RBP2: variants seen among roughly 807,000 people sequenced by gnomAD.
RBP2 encodes the protein retinol binding protein 2.
RBP2 carries 17 observed loss-of-function variants against 17.0 expected under a neutral mutation model. The ratio of observed to expected loss-of-function variants is 1.00; its 90% confidence interval spans 0.68 to 1.50. The LOEUF (loss-of-function observed/expected upper bound fraction) is 1.50. Among genes scored for constraint, RBP2 ranks in the 40% most tolerant of loss-of-function variants. The pLI is 0.00. For missense variants in RBP2, 158 were observed against 168.2 expected (o/e 0.94, Z 0.33); for synonymous variants, 48 against 57.1 (o/e 0.84, Z 0.72).
At chr3:139,459,925 C>T (rs888330096) in intron 2 of RBP2, among the ~76,000 whole-genome samples, 2 of 151,988 alleles carry the variant, frequency 1.3e-5, no homozygotes, top group African/African-American at 4.8e-5. Context: ...CTCTCTCTTT[C>T]TGCAGGGCTA....
In RBP2 at chr3:139,453,078, G is replaced by C. The variant is rs1227374524; in HGVS notation, c.*38C>G. On this transcript the variant is annotated 3_prime_UTR_variant, in exon 4 of 4. Transcript: ENST00000232217. ...GCCAGTAGACCACTCAGTGTGGGCA[G>C]TGGGGAGCTTGTGCTTGGCAGGCCT... The C allele has an allele frequency of 6.2e-7, 1 of 1,612,890 alleles. No individual in the cohort carries two copies. Among genetic ancestry groups the C allele is most frequent in the Non-Finnish European group, 8.5e-7 (1 of 1,178,966 alleles).
At position 139,455,639 on chromosome 3, in the gene RBP2, C is replaced by T. The variant is rs1943381514; in HGVS notation, c.253-809G>A. On this transcript the variant is annotated intron_variant, in intron 2 of 3. Coordinates refer to ENST00000232217, the MANE Select transcript of RBP2 (RefSeq NM_004164.3). ...CTGGGAATTTCTCCTTCAGGAATCA[C>T]ACTGTGAGACCTGCCCACTATAGGA... Among the ~76,000 whole-genome samples the T allele has an allele frequency of 2.0e-5, 3 of 152,266 alleles. No homozygotes were observed. The South Asian group carries it at 6.2e-4, about 32-fold the overall frequency.
chr3:139,460,483 G>T (rs555843157), intron 2 of RBP2, among the ~76,000 whole-genome samples: 259 of 152,314 alleles, frequency 1.7e-3, no homozygotes, highest in Non-Finnish European at 3.2e-3. Flanking sequence ...ACTTGACTGA[G>T]AAATAAAGTG....
At chr3:139,465,494 T>C (rs1294851228) in intron 1 of RBP2, among the ~76,000 whole-genome samples, 1 of 152,190 alleles carries the variant, frequency 6.6e-6, no homozygotes, top group African/African-American at 2.4e-5. Flanking sequence ...CCCTGGATTA[T>C]GTGGTGAGGA....
At chr3:139,456,842 C>T (rs79829464) in intron 2 of RBP2, among the ~76,000 whole-genome samples, 12,640 of 152,206 alleles carry the variant, frequency 0.083, 576 homozygotes, top group Middle Eastern at 0.16. Flanking sequence ...TTAGGACCAT[C>T]CTAAACCTCA....
chr3:139,459,068 T>C (rs1327547020), intron 2 of RBP2, among the ~76,000 whole-genome samples: 2 of 152,100 alleles, frequency 1.3e-5, no homozygotes, highest in East Asian at 3.9e-4. Flanking sequence ...GGGCACAACA[T>C]GCACCTCTCC....
chr3:139,459,567 G>C (rs371508188), intron 2 of RBP2, among the ~76,000 whole-genome samples: 1 of 151,042 alleles, frequency 6.6e-6, no homozygotes, highest in African/African-American at 2.4e-5. Context: ...AGGTTGCAAT[G>C]AGCCTAAATT....
intron 1 of RBP2, chr3:139,466,688 T>C (rs1354191855): frequency 2.0e-5 from 3 of 152,246 alleles, no homozygotes; most frequent in Non-Finnish European, 4.4e-5. Context: ...AGGATCAAAT[T>C]TGATGGTGTT....
chr3:139,456,176 C>T (rs1932953246), intron 2 of RBP2, among the ~76,000 whole-genome samples: 1 of 152,120 alleles, frequency 6.6e-6, no homozygotes, highest in African/African-American at 2.4e-5. Flanking sequence ...CATTATGCCT[C>T]TCTGAACAAT....
intron 1 of RBP2, among the ~76,000 whole-genome samples, chr3:139,468,207 C>T (rs1454559021): frequency 2.6e-5 from 4 of 152,118 alleles, no homozygotes; most frequent in Non-Finnish European, 4.4e-5. Context: ...AAACTGAGGC[C>T]GTGAGAATTT....
intron 1 of RBP2, among the ~76,000 whole-genome samples, chr3:139,463,661 C>T (rs894495448): frequency 2.0e-5 from 3 of 152,154 alleles, no homozygotes; most frequent in South Asian, 4.1e-4. Flanking sequence ...AGTTGTTGGC[C>T]TGTGGAGTAG....
Position 139,453,038 on chromosome 3 carries a change from C to G in RBP2, c.*78G>C. ...TCTGTCAAGAGTGGGAAGGTCCCCA[C>G]AGCTGTTTCTCAAAGCCAGTAGACC... On this transcript the variant is annotated 3_prime_UTR_variant, in exon 4 of 4. Transcript: ENST00000232217. 1 of 1,554,952 alleles carries G rather than the reference C, an allele frequency of 6.4e-7. No homozygotes were observed. The highest frequency in any genetic ancestry group is 8.9e-7 in the Non-Finnish European group (1 of 1,126,384).
intron 1 of RBP2, among the ~76,000 whole-genome samples, chr3:139,463,071 G>A (rs1576423661): frequency 2.0e-5 from 3 of 152,136 alleles, no homozygotes; most frequent in East Asian, 3.9e-4. Flanking sequence ...GAGCTCAAGC[G>A]ATCCATGTGC....
At chr3:139,468,096 G>C (rs778823336) in intron 1 of RBP2, among the ~76,000 whole-genome samples, 3 of 152,160 alleles carry the variant, frequency 2.0e-5, no homozygotes, top group African/African-American at 4.8e-5. Flanking sequence ...ACAGGGGAAG[G>C]CTCTAGGTAA....
At chr3:139,474,457 G>A (rs963697202) in intron 1 of RBP2, among the ~76,000 whole-genome samples, 1 of 152,206 alleles carries the variant, frequency 6.6e-6, no homozygotes, top group Non-Finnish European at 1.5e-5. Flanking sequence ...TTAAATCTAA[G>A]TCATCATAGG....
chr3:139,476,497 T>C lies in RBP2; in HGVS notation c.-38A>G, dbSNP rs539585587. On this transcript the variant is annotated 5_prime_UTR_variant, in exon 1 of 4. Coordinates refer to ENST00000232217, the MANE Select transcript of RBP2 (RefSeq NM_004164.3). Reference sequence around the variant, plus strand: ...TGGTTCGGTGAGGGTTTGTGGTGGATGGCAAGGAGCAGGCTGCAGGGAGAA... The same window carrying C: ...TGGTTCGGTGAGGGTTTGTGGTGGACGGCAAGGAGCAGGCTGCAGGGAGAA... The C allele has an allele frequency of 5.1e-5, 81 of 1,587,730 alleles. No individual in the cohort carries two copies. The East Asian group carries it at 1.5e-3, about 29-fold the overall frequency.
At position 139,453,148 on chromosome 3, in the gene RBP2, G is replaced by C. The variant is rs1943340999; in HGVS notation, c.373C>G (p.Gln125Glu). ...TTTTTGAACACTTGACGGCACACCT[G>C]GTCACCACAGGTCAGCTCCTGCAAC... ...KLYLELTCGD[Q>E]VCRQVFKKK Residue 125 changes from glutamine (Q) to glutamate (E), a missense_variant, in exon 4 of 4, where the codon CAG becomes GAG. Coordinates refer to ENST00000232217, the MANE Select transcript of RBP2 (RefSeq NM_004164.3). 1 of 1,614,016 alleles carries C rather than the reference G, an allele frequency of 6.2e-7. No homozygotes were observed. Among genetic ancestry groups the C allele is most frequent in the Non-Finnish European group, 8.5e-7 (1 of 1,180,024 alleles).
At chr3:139,470,508 G>A (rs941924274) in intron 1 of RBP2, among the ~76,000 whole-genome samples, 2 of 151,878 alleles carry the variant, frequency 1.3e-5, no homozygotes, top group African/African-American at 4.8e-5. Flanking sequence ...TGTGGCCATA[G>A]TGATCCTTAA....
chr3:139,475,564 C>G (rs895410711), intron 1 of RBP2, among the ~76,000 whole-genome samples: 1 of 152,090 alleles, frequency 6.6e-6, no homozygotes, highest in Non-Finnish European at 1.5e-5. Context: ...GGAGGAAGTT[C>G]CAGCGAAGTT....
Sources: gnomAD v4.1 joint callset for allele counts (sites outside exome capture counted in the v4.1 genomes callset) on GRCh38, gnomAD v4.1.1 for gene constraint, MANE v1.5 for transcripts, NCBI Gene and HGNC (gene_info 2026-07-23, HGNC 2026-07-21) for gene names.